The following LRRTM4 variants were observed in gnomAD, a reference collection of about 807,000 sequenced individuals.
LRRTM4 encodes the protein leucine rich repeat transmembrane neuronal 4, also known as leucine-rich repeat transmembrane neuronal protein 4.
Under a neutral mutation model 47.6 loss-of-function variants are expected in LRRTM4, and 25 were observed. The observed-to-expected ratio is 0.53, with a 90% CI of 0.38 to 0.73. The LOEUF is 0.73. Ranked by LOEUF, LRRTM4 falls within the 30% of genes least tolerant of loss-of-function variation. The pLI, the probability that LRRTM4 is intolerant of heterozygous loss-of-function variation, is 0.00. For synonymous variants in LRRTM4, 311 were observed against 269.5 expected (o/e 1.15, Z -1.51); for missense variants, 638 against 713.4 (o/e 0.89, Z 1.20).
intron 3 of LRRTM4, among the ~76,000 whole-genome samples, chr2:77,161,806 T>G (rs1314083979): frequency 6.6e-6 from 1 of 152,180 alleles, no homozygotes; most frequent in Non-Finnish European, 1.5e-5. Flanking sequence ...TAGTAAAATA[T>G]TATTTCACTG....
At chr2:76,792,151 G>A (rs1558655734) in intron 3 of LRRTM4, among the ~76,000 whole-genome samples, 1 of 152,036 alleles carries the variant, frequency 6.6e-6, no homozygotes, top group Non-Finnish European at 1.5e-5. Flanking sequence ...AGCTTACAGA[G>A]TAAGAAAAGA....
intron 3 of LRRTM4, among the ~76,000 whole-genome samples, chr2:77,390,175 A>C (rs942095469): frequency 1.6e-4 from 25 of 152,068 alleles, no homozygotes; most frequent in African/African-American, 5.8e-4. Flanking sequence ...CATTTGTCCT[A>C]TTCATTTTAA....
chr2:76,937,015 A>G lies in LRRTM4; in HGVS notation c.1552-188099T>C, dbSNP rs371633290. On this transcript the variant is annotated intron_variant, in intron 3 of 3. Transcript: ENST00000409884. ...ACATAAGTATATGTGAAAACATATC[A>G]TCTTATCAGTAGATTCATGGTGACA... Among the ~76,000 whole-genome samples the G allele has an allele frequency of 1.4e-4, 21 of 149,908 alleles. No homozygotes were observed. The East Asian group carries it at 3.3e-3, about 24-fold the overall frequency.
chr2:76,852,164 G>T (rs1672017491), intron 3 of LRRTM4, among the ~76,000 whole-genome samples: 1 of 152,092 alleles, frequency 6.6e-6, no homozygotes, highest in African/African-American at 2.4e-5. Context: ...TGCACAATAA[G>T]AAAGGAGGAG....
At chr2:77,110,579 C>T (rs1008023287) in intron 3 of LRRTM4, among the ~76,000 whole-genome samples, 8 of 152,162 alleles carry the variant, frequency 5.3e-5, no homozygotes, top group African/African-American at 1.9e-4. Context: ...AAGTTGTGTG[C>T]AAATGTTTTT....
chr2:76,987,558 T>A (rs1452699332), intron 3 of LRRTM4: 1 of 151,930 alleles, frequency 6.6e-6, no homozygotes, highest in Non-Finnish European at 1.5e-5. Flanking sequence ...GTATGTTGCT[T>A]ACAATAATCT....
At chr2:76,774,301 C>G (rs1673858557) in intron 3 of LRRTM4, among the ~76,000 whole-genome samples, 1 of 151,960 alleles carries the variant, frequency 6.6e-6, no homozygotes, top group Non-Finnish European at 1.5e-5. Context: ...AAGCAATTCT[C>G]CTGCCTCAAC....
intron 3 of LRRTM4, among the ~76,000 whole-genome samples, chr2:76,802,236 C>CAA (rs60771411): frequency 3.6e-5 from 5 of 139,294 alleles, no homozygotes; most frequent in South Asian, 2.2e-4. Flanking sequence ...AAGACTCCAC[C>CAA]AAAAAAAAAA....
intron 3 of LRRTM4, among the ~76,000 whole-genome samples, chr2:77,371,073 C>T (rs1295372299): frequency 6.6e-6 from 1 of 151,630 alleles, no homozygotes; most frequent in African/African-American, 2.4e-5. Context: ...AGGTGAGTCC[C>T]TCTATAAGGG....
intron 3 of LRRTM4, among the ~76,000 whole-genome samples, chr2:77,406,795 A>C (rs1350873877): frequency 6.6e-6 from 1 of 152,176 alleles, no homozygotes; most frequent in Non-Finnish European, 1.5e-5. Flanking sequence ...AGTAGAAAAC[A>C]TTTCTTTTCC....
At chr2:77,013,307 T>C (rs1220731431) in intron 3 of LRRTM4, among the ~76,000 whole-genome samples, 14 of 152,160 alleles carry the variant, frequency 9.2e-5, no homozygotes. Flanking sequence ...CTGTGATATG[T>C]TTTGGCAAAG....
chr2:77,454,367 G>A (rs541749536), intron 3 of LRRTM4, among the ~76,000 whole-genome samples: 50 of 152,188 alleles, frequency 3.3e-4, no homozygotes, highest in East Asian at 3.1e-3. Flanking sequence ...AAGCTGTGAC[G>A]GCCACACCTA....
At chr2:77,267,257 T>C (rs1676073815) in intron 3 of LRRTM4, among the ~76,000 whole-genome samples, 1 of 152,144 alleles carries the variant, frequency 6.6e-6, no homozygotes, top group Non-Finnish European at 1.5e-5. Context: ...TTAGTCCAAT[T>C]TTATACTGCT....
At chr2:76,908,980 T>C (rs912902229) in intron 3 of LRRTM4, among the ~76,000 whole-genome samples, 67 of 152,250 alleles carry the variant, frequency 4.4e-4, no homozygotes, top group African/African-American at 1.4e-3. Flanking sequence ...CTTCACAGAA[T>C]TGGAAAAAAC....
intron 3 of LRRTM4, among the ~76,000 whole-genome samples, chr2:76,795,292 T>C (rs557002515): frequency 6.6e-6 from 1 of 152,362 alleles, no homozygotes; most frequent in South Asian, 2.1e-4. Context: ...ACTTATTGTG[T>C]ACAATATCTT....
intron 3 of LRRTM4, among the ~76,000 whole-genome samples, chr2:77,417,417 A>T (rs1674678296): frequency 6.6e-6 from 1 of 152,152 alleles, no homozygotes; most frequent in Non-Finnish European, 1.5e-5. Context: ...ATTATAAATC[A>T]TGCTGCTATA....
chr2:77,276,686 CATATATATATATATATAT>C (rs3980215), intron 3 of LRRTM4, among the ~76,000 whole-genome samples: 2,505 of 71,732 alleles, frequency 0.035, 180 homozygotes, highest in African/African-American at 0.093. Flanking sequence ...TTTGTGTACG[CATATATATATATATATAT>C]ATATATATAT....
At chr2:77,501,255 C>A (rs1678561392) in intron 3 of LRRTM4, among the ~76,000 whole-genome samples, 1 of 150,096 alleles carries the variant, frequency 6.7e-6, no homozygotes, top group South Asian at 2.1e-4. Flanking sequence ...AAGCAGTATG[C>A]CAAAAGCACC....
Position 76,942,491 on chromosome 2 carries a change from A to ATTTTTT in LRRTM4, c.1552-193581_1552-193576dup, listed in dbSNP as rs59455803. ...CTGATGCTTAAACTTCTGTGCTAACATTTTTTTTTTTTTTTTGCGATAAAA... is the reference window on the plus strand; with the variant it reads ...CTGATGCTTAAACTTCTGTGCTAACATTTTTTTTTTTTTTTTTTTTTTGCGATAAAA... On this transcript the variant is annotated intron_variant, in intron 3 of 3. Coordinates refer to ENST00000409884, the MANE Select transcript of LRRTM4 (RefSeq NM_001134745.3). Among the ~76,000 whole-genome samples, 1,063 of 142,608 alleles carry ATTTTTT rather than the reference A, an allele frequency of 7.5e-3. 13 individuals carry two copies. Among genetic ancestry groups the ATTTTTT allele is most frequent in the East Asian group, 0.02 (98 of 4,948 alleles). 93.6% of individuals were successfully genotyped at this position (142,608 alleles called of 152,430 possible).
Sources: gnomAD v4.1 joint callset for allele counts (sites outside exome capture counted in the v4.1 genomes callset) on GRCh38, gnomAD v4.1.1 for gene constraint, MANE v1.5 for transcripts, NCBI Gene and HGNC (gene_info 2026-07-23, HGNC 2026-07-21) for gene names.